Variants in ELOA observed in about 807,000 individuals in gnomAD.
The protein encoded by ELOA is elongin A.
Under a neutral mutation model 85.2 loss-of-function variants are expected in ELOA, and 15 were observed. That is an observed-to-expected ratio of 0.18 (90% confidence interval 0.12 to 0.27). ELOA has a LOEUF of 0.27. Ranked by LOEUF, ELOA falls within the 10% of genes least tolerant of loss-of-function variation. ELOA has a pLI of 1.00. For missense variants in ELOA, 769 were observed against 952.7 expected, an observed-to-expected ratio of 0.81 and a Z score of 2.54; for synonymous variants, 348 against 357.2, an observed-to-expected ratio of 0.97 and a Z score of 0.29.
At chr1:23,752,911 C>G (rs1023738832) in intron 5 of ELOA, among the ~76,000 whole-genome samples, 4 of 152,002 alleles carry the variant, frequency 2.6e-5, no homozygotes, top group African/African-American at 9.7e-5. Flanking sequence ...CCATTGCACT[C>G]AAGCCTGGGT....
chr1:23,748,654 G>A (rs1034018627), intron 1 of ELOA, among the ~76,000 whole-genome samples: 1 of 152,086 alleles, frequency 6.6e-6, no homozygotes, highest in East Asian at 1.9e-4. Context: ...CCTAAAATTG[G>A]TACCTTTCTC....
Position 23,752,050 on chromosome 1 carries a change from G to C in ELOA, c.1425+20G>C. 1 of 1,566,588 alleles carries C rather than the reference G, an allele frequency of 6.4e-7. No individual in the cohort carries two copies. Among genetic ancestry groups the C allele is most frequent in the Non-Finnish European group, 8.6e-7 (1 of 1,163,216 alleles). On this transcript the variant is annotated intron_variant, in intron 4 of 10. Coordinates refer to ENST00000613537, the MANE Select transcript of ELOA (RefSeq NM_003198.3). ...AGAAAGGTAACCCCTTCAGCCCCTT[G>C]GTGGCTTCCCACCCAGAGCACCTGG...
intron 8 of ELOA, 122 bp from the exon 9 acceptor site, chr1:23,756,152 C>T: frequency 7.0e-7 from 1 of 1,423,196 alleles, no homozygotes; most frequent in Non-Finnish European, 9.4e-7. Flanking sequence ...GGTATTTCTT[C>T]TGCCACCGCC....
At chr1:23,746,771 G>A (rs752988715) in intron 1 of ELOA, among the ~76,000 whole-genome samples, 1 of 152,170 alleles carries the variant, frequency 6.6e-6, no homozygotes, top group Non-Finnish European at 1.5e-5. Flanking sequence ...CATGTACCTT[G>A]CAAATGTTTG....
At position 23,752,526 on chromosome 1, in the gene ELOA, T is replaced by A; in HGVS notation, c.1537+8T>A. The A allele has an allele frequency of 1.2e-6, 2 of 1,611,014 alleles. No homozygotes were observed. Among genetic ancestry groups the A allele is most frequent in the Non-Finnish European group, 1.7e-6 (2 of 1,178,146 alleles). ...TCCAGCCAAAGCGAAAAGGTAATTT[T>A]CTATATCTTCTTTTTCTTAATGGGA... On this transcript the variant is annotated splice_region_variant and intron_variant, in intron 5 of 10. Transcript: ENST00000613537.
intron 1 of ELOA, among the ~76,000 whole-genome samples, chr1:23,744,935 T>C (rs1317598815): frequency 2.6e-5 from 4 of 152,096 alleles, no homozygotes; most frequent in African/African-American, 9.7e-5. Flanking sequence ...AAACCAATCG[T>C]CATTCTTTGG....
At chr1:23,752,312 C>T in intron 4 of ELOA, 95 bp from the exon 5 acceptor site, 1 of 1,223,926 alleles carries the variant, frequency 8.2e-7, no homozygotes, top group Non-Finnish European at 1.2e-6. Flanking sequence ...TCTTCCTGTG[C>T]AAGATGTCCA....
rs537582365 is a variant in ELOA at position 23,757,140 on chromosome 1, G to T, written c.2257+15G>T. The T allele has an allele frequency of 1.3e-6, 2 of 1,523,744 alleles. No individual in the cohort carries two copies. The highest frequency in any genetic ancestry group is 2.6e-5 in the South Asian group (2 of 78,308). The allele number at this position is 1,523,744 out of a possible 1,614,324, so 94.4% of individuals were successfully genotyped here. A position where few individuals can be genotyped will look rare whatever the true frequency, so the allele number is the denominator to read the frequency against. On this transcript the variant is annotated intron_variant, in intron 10 of 10. Coordinates refer to ENST00000613537, the MANE Select transcript of ELOA (RefSeq NM_003198.3). ...CACTGTGAAGAGTAAGTAACTTGGAGTTCCTGCTCAAATATTATTTCAGCA... is the reference window on the plus strand; with the variant it reads ...CACTGTGAAGAGTAAGTAACTTGGATTTCCTGCTCAAATATTATTTCAGCA...
At chr1:23,746,608 CAAAAAAAAAAAAAA>C (rs55782205) in intron 1 of ELOA, among the ~76,000 whole-genome samples, 4 of 68,424 alleles carry the variant, frequency 5.8e-5, no homozygotes, top group African/African-American at 1.1e-4. Flanking sequence ...ACTCCATCTC[CAAAAAAAAAAAAAA>C]AAAAAAAAAG....
chr1:23,753,603 A>C (rs1280588937), intron 5 of ELOA, among the ~76,000 whole-genome samples: 1 of 152,248 alleles, frequency 6.6e-6, no homozygotes, highest in Non-Finnish European at 1.5e-5. Context: ...ACAGTAAAAA[A>C]AAAATGTGGA....
rs183167881 is a variant in ELOA at position 23,747,637 on chromosome 1, G to T, written c.76-1384G>T. 1.5e-3 allele frequency among the ~76,000 whole-genome samples: 236 copies of T among 152,270 alleles called. 2 individuals carry two copies. Among genetic ancestry groups the T allele is most frequent in the Middle Eastern group, 0.014 (4 of 294 alleles). On this transcript the variant is annotated intron_variant, in intron 1 of 10. Coordinates refer to ENST00000613537, the MANE Select transcript of ELOA (RefSeq NM_003198.3). ...AGTCTTTGCACCCATAGCTTGGGTG[G>T]CAAGAAACACAAAATTTTTCCTGAG...
At chr1:23,752,263 G>A (rs1644774787) in intron 4 of ELOA, 144 bp from the exon 5 acceptor site, 1 of 813,084 alleles carries the variant, frequency 1.2e-6, no homozygotes, top group Non-Finnish European at 1.9e-6. Context: ...TCCTGACTGA[G>A]GTGGTGTCAG....
chr1:23,743,743 G>A (rs1415020384), intron 1 of ELOA, among the ~76,000 whole-genome samples, 165 bp downstream of exon 1: 1 of 152,090 alleles, frequency 6.6e-6, no homozygotes, highest in Non-Finnish European at 1.5e-5. Flanking sequence ...CGCGCGTTGG[G>A]ACCCCGTGCG....
In ELOA at chr1:23,754,199, C is replaced by G. The variant is rs1003147141; in HGVS notation, c.1637C>G (p.Pro546Arg). The change falls in exon 6 of 11, where the codon CCT (proline) becomes CGT (arginine). Residue 546 changes from proline to arginine, a missense_variant. This residue lies in a region of ELOA where 193 missense variants were observed against 278.9 expected (regional missense o/e 0.69). Transcript: ENST00000613537. The part of the protein sequence containing the change: ...VYSGSKCAYL[P>R]KMMTLHQQCI... ...TCTGGTTCCAAGTGTGCCTATCTCC[C>G]TAAAATGATGACCTTGCACCAGCAA... The G allele has an allele frequency of 6.2e-7, 1 of 1,614,062 alleles. No homozygotes were observed. Among genetic ancestry groups the G allele is most frequent in the Non-Finnish European group, 8.5e-7 (1 of 1,180,032 alleles).
rs1448563240 is a variant in ELOA, at chr1:23,757,081, T to G, written c.2213T>G (p.Val738Gly). 2.5e-6 allele frequency: 4 copies of G among 1,600,674 alleles called. No individual in the cohort carries two copies. In the East Asian group the frequency reaches 6.8e-5, roughly 27 times the overall value. ...AGCAGTGCCCACTTGGCACCAGTGG[T>G]CAGCAGCACTGTTTCCTATGATCCT... ...STSSAHLAPV[V>G]SSTVSYDPRK... The change falls in exon 10 of 11, where the codon GTC becomes GGC. Residue 738 changes from valine to glycine, a missense_variant. Physicochemically the swap from Val to Gly is moderately radical, Grantham distance 109. Around this residue, in one of 4 missense-constraint regions of ELOA, gnomAD observed 116 missense variants for 141.0 expected, o/e 0.82. Coordinates refer to ENST00000613537, the MANE Select transcript of ELOA (RefSeq NM_003198.3).
chr1:23,756,373 C>T lies in ELOA; in HGVS notation c.2072C>T (p.Pro691Leu). ...EKFGTGGAAV[P>L]EKIKIKPAPY... ...TTTGGAACGGGAGGAGCAGCTGTCC[C>T]TGAGAAAATCAAGTAAGATCTGTGT... The change falls in exon 9 of 11, where the codon CCT becomes CTT. Residue 691 changes from proline (P) to leucine (L), a missense_variant. Around this residue, in one of 4 missense-constraint regions of ELOA, gnomAD observed 116 missense variants for 141.0 expected, o/e 0.82. Coordinates refer to ENST00000613537, the MANE Select transcript of ELOA (RefSeq NM_003198.3). 6.4e-7 allele frequency: 1 copy of T among 1,573,388 alleles called. No individual in the cohort carries two copies. Among genetic ancestry groups the T allele is most frequent in the South Asian group, 1.2e-5 (1 of 85,568 alleles).
Position 23,743,481 on chromosome 1 carries a change from A to T in ELOA, c.-23A>T. Reference sequence around the variant, plus strand: ...ACGCGACGCGAGCCCAGTTCCGGCGAGGAGGCCGCGCCAGTGACAGCGATG... The same window carrying T: ...ACGCGACGCGAGCCCAGTTCCGGCGTGGAGGCCGCGCCAGTGACAGCGATG... On this transcript the variant is annotated 5_prime_UTR_variant, in exon 1 of 11. Coordinates refer to ENST00000613537, the MANE Select transcript of ELOA (RefSeq NM_003198.3). 1 of 1,502,728 alleles carries T rather than the reference A, an allele frequency of 6.7e-7. No individual in the cohort carries two copies. Among genetic ancestry groups the T allele is most frequent in the Non-Finnish European group, 8.8e-7 (1 of 1,131,732 alleles). 93.1% of individuals were successfully genotyped at this position (1,502,728 alleles called of 1,614,324 possible). A position where few individuals can be genotyped will look rare whatever the true frequency, so the allele number is the denominator to read the frequency against.
chr1:23,752,374 C>A (rs1305717648), intron 4 of ELOA, 33 bp from the exon 5 acceptor site: 1 of 1,587,794 alleles, frequency 6.3e-7, no homozygotes, highest in East Asian at 2.2e-5. Context: ...CTTCTACTCA[C>A]TGACTCTCCA....
At chr1:23,750,009 TTTTC>T (rs1644762015) in intron 3 of ELOA, 61 bp downstream of exon 3, 1 of 1,366,964 alleles carries the variant, frequency 7.3e-7, no homozygotes, top group South Asian at 1.4e-5. Context: ...ATAGAAAAGG[TTTTC>T]TTTATTATTT....
Sources: allele counts gnomAD v4.1 joint callset (sites outside exome capture counted in the v4.1 genomes callset), GRCh38; gene constraint gnomAD v4.1.1; regional missense constraint gnomAD v4.1.1; transcripts MANE v1.5; gene names NCBI Gene and HGNC (gene_info 2026-07-23, HGNC 2026-07-21).